ANK3: variants seen among roughly 807,000 people sequenced by gnomAD.
ANK3 encodes the protein ankyrin 3.
Under a neutral mutation model 370.9 loss-of-function variants are expected in ANK3, and 57 were observed. That is an observed-to-expected ratio of 0.15 (90% CI 0.12 to 0.19). The LOEUF is 0.19. Ranked by LOEUF, ANK3 falls within the 10% of genes least tolerant of loss-of-function variation. The probability of loss-of-function intolerance (pLI) is 1.00; values close to 1 mark genes in which losing one functional copy is unlikely to be tolerated. For synonymous variants in ANK3, 1,929 were observed against 1,946.3 expected (o/e 0.99, Z 0.23); for missense variants, 4,439 against 5,302.1 (o/e 0.84, Z 5.06).
chr10:60,423,832 G>A (rs2063826123), intron 2 of ANK3, among the ~76,000 whole-genome samples: 4 of 152,010 alleles, frequency 2.6e-5, no homozygotes, highest in Admixed American at 2.0e-4. Flanking sequence ...GTATCCCTGT[G>A]CAAGGTTTAT....
chr10:60,717,689 T>C (rs1395116958), intron 1 of ANK3, among the ~76,000 whole-genome samples: 1 of 152,296 alleles, frequency 6.6e-6, no homozygotes, highest in African/African-American at 2.4e-5. Context: ...AATCAAGTAA[T>C]GAAAACTCAG....
chr10:60,441,121 A>G (rs1186935818), intron 2 of ANK3, among the ~76,000 whole-genome samples: 2 of 152,062 alleles, frequency 1.3e-5, no homozygotes, highest in Non-Finnish European at 2.9e-5. Flanking sequence ...CAAAATATTA[A>G]CCGTTGCCAG....
At chr10:60,470,932 T>C (rs1387436706) in intron 2 of ANK3, among the ~76,000 whole-genome samples, 1 of 152,166 alleles carries the variant, frequency 6.6e-6, no homozygotes, top group Non-Finnish European at 1.5e-5. Context: ...TTTTCTCATA[T>C]TTTTCCCTGA....
intron 28 of ANK3, among the ~76,000 whole-genome samples, chr10:60,098,196 A>G (rs531732211): frequency 6.6e-6 from 1 of 152,298 alleles, no homozygotes; most frequent in East Asian, 1.9e-4. Context: ...TTCACATAAT[A>G]ACTTAGAAGA....
intron 1 of ANK3, among the ~76,000 whole-genome samples, chr10:60,340,107 C>A (rs992220125): frequency 3.9e-5 from 6 of 152,158 alleles, no homozygotes; most frequent in African/African-American, 1.4e-4. Context: ...ATTTTAGAGA[C>A]AGAATCTTGT....
chr10:60,080,470 T>C (rs765633232), intron 36 of ANK3, 67 bp downstream of exon 36: 73 of 1,402,410 alleles, frequency 5.2e-5, no homozygotes, highest in Non-Finnish European at 6.3e-5. Flanking sequence ...AAAATTTGGT[T>C]TGTATAGAAA....
intron 1 of ANK3, among the ~76,000 whole-genome samples, chr10:60,355,545 T>C (rs567100070): frequency 6.6e-6 from 1 of 152,292 alleles, no homozygotes; most frequent in Admixed American, 6.5e-5. Flanking sequence ...CTATGAGGTA[T>C]CTGAAGCCAA....
intron 40 of ANK3, chr10:60,060,073 A>G: frequency 8.1e-7 from 1 of 1,228,938 alleles, no homozygotes; most frequent in Admixed American, 2.7e-5. Flanking sequence ...AACACATGGA[A>G]TGACTAAAAT....
At chr10:60,291,166 A>G (rs1337243894) in intron 1 of ANK3, among the ~76,000 whole-genome samples, 2 of 152,180 alleles carry the variant, frequency 1.3e-5, no homozygotes, top group Non-Finnish European at 2.9e-5. Flanking sequence ...ATATTCCTCA[A>G]CATAGACTTG....
chr10:60,534,236 T>C (rs371402391), intron 2 of ANK3, among the ~76,000 whole-genome samples: 3 of 152,114 alleles, frequency 2.0e-5, no homozygotes, highest in African/African-American at 7.2e-5. Flanking sequence ...ACAAATAATA[T>C]AGGACAGTCA....
intron 8 of ANK3, among the ~76,000 whole-genome samples, chr10:60,219,258 C>T (rs2096999139): frequency 6.6e-6 from 1 of 151,752 alleles, no homozygotes; most frequent in Non-Finnish European, 1.5e-5. Context: ...TTTTTATTAC[C>T]CATCTTCTGA....
Position 60,055,719 on chromosome 10 carries a change from G to T in ANK3, c.13004C>A (p.Ala4335Glu). 1.2e-6 allele frequency: 2 copies of T among 1,614,106 alleles called. No homozygotes were observed. The highest frequency in any genetic ancestry group is 1.7e-6 in the Non-Finnish European group (2 of 1,180,012). ...SMKKMSRTSPADGKPRLSLHE... is the reference protein window; with the variant it reads ...SMKKMSRTSPEDGKPRLSLHE... ...GAGGCTAAGCCTTGGCTTGCCATCTGCTGGAGAAGTCCTACTCATCTTTTT... is the reference window on the plus strand; with the variant it reads ...GAGGCTAAGCCTTGGCTTGCCATCTTCTGGAGAAGTCCTACTCATCTTTTT... The change falls in exon 42 of 44, where the codon GCA becomes GAA. Residue 4335 changes from alanine to glutamate, a missense_variant. Transcript: ENST00000280772.
At chr10:60,445,600 T>C (rs2064423756) in intron 2 of ANK3, among the ~76,000 whole-genome samples, 1 of 151,554 alleles carries the variant, frequency 6.6e-6, no homozygotes, top group Non-Finnish European at 1.5e-5. Flanking sequence ...TTTATATTTG[T>C]ACAAGTCTCT....
chr10:60,092,901 A>T (rs1051805170), intron 28 of ANK3, among the ~76,000 whole-genome samples: 2 of 152,070 alleles, frequency 1.3e-5, no homozygotes, highest in Non-Finnish European at 2.9e-5. Context: ...ACGCCCAGCT[A>T]ATTTTTGTAT....
At chr10:60,174,747 T>C (rs963588293) in intron 18 of ANK3, among the ~76,000 whole-genome samples, 1 of 152,178 alleles carries the variant, frequency 6.6e-6, no homozygotes, top group Non-Finnish European at 1.5e-5. Context: ...GTTGTTTATT[T>C]ATTTATTTGA....
At chr10:60,284,338 G>A (rs945275328) in intron 1 of ANK3, among the ~76,000 whole-genome samples, 3 of 152,118 alleles carry the variant, frequency 2.0e-5, no homozygotes, top group African/African-American at 7.2e-5. Context: ...CACCCAGTTT[G>A]TGGTGGTTTA....
chr10:60,250,278 A>G (rs1309493451), intron 7 of ANK3, among the ~76,000 whole-genome samples: 1 of 152,252 alleles, frequency 6.6e-6, no homozygotes, highest in Non-Finnish European at 1.5e-5. Flanking sequence ...AATGATTCAG[A>G]ATCTATGGGA....
intron 35 of ANK3, chr10:60,081,823 CCTTT>C: frequency 4.3e-6 from 1 of 232,546 alleles, no homozygotes; most frequent in South Asian, 6.9e-5. Context: ...CTCTTTTCCC[CCTTT>C]CTCACTATTG....
At chr10:60,520,354 C>G (rs1021021410) in intron 2 of ANK3, among the ~76,000 whole-genome samples, 5 of 152,058 alleles carry the variant, frequency 3.3e-5, no homozygotes, top group Admixed American at 1.3e-4. Context: ...GGACAATTCG[C>G]ATCCCAAACC....
Sources: allele counts gnomAD v4.1 joint callset (sites outside exome capture counted in the v4.1 genomes callset), GRCh38; gene constraint gnomAD v4.1.1; transcripts MANE v1.5; gene names NCBI Gene and HGNC (gene_info 2026-07-23, HGNC 2026-07-21).